The following DENND4C variants were observed in gnomAD, a reference collection of about 807,000 sequenced individuals.
DENND4C encodes DENN domain-containing protein 4C.
A neutral mutation model predicts 203.0 loss-of-function variants in DENND4C; 108 were observed. That is an observed-to-expected ratio of 0.53 (90% CI 0.46 to 0.62). The LOEUF (loss-of-function observed/expected upper bound fraction) is 0.62, where lower values mean the gene tolerates loss of function less well. DENND4C is among the 20% of genes least tolerant of loss of function. The pLI is 0.00. For missense variants in DENND4C, 2,481 were observed against 2,301.2 expected (o/e 1.08, Z -1.60); for synonymous variants, 871 against 792.4 (o/e 1.10, Z -1.67).
intron 10 of DENND4C, among the ~76,000 whole-genome samples, chr9:19,315,706 G>T (rs552913940): frequency 7.4e-4 from 106 of 144,114 alleles, no homozygotes; most frequent in African/African-American, 2.4e-3. Flanking sequence ...TGGCTTTGGG[G>T]TTTTTTTTTT....
At chr9:19,258,525 C>G (rs971613142) in intron 1 of DENND4C, among the ~76,000 whole-genome samples, 13 of 152,162 alleles carry the variant, frequency 8.5e-5, no homozygotes, top group African/African-American at 2.9e-4. Flanking sequence ...GCCAGAAATT[C>G]AGGATTGATC....
intron 2 of DENND4C, among the ~76,000 whole-genome samples, chr9:19,278,351 C>G (rs527337371): frequency 3.0e-4 from 46 of 152,212 alleles, no homozygotes; most frequent in African/African-American, 1.1e-3. Flanking sequence ...ATTGGCAAAG[C>G]TGGTCTTGAA....
intron 20 of DENND4C, chr9:19,337,513 T>G: frequency 1.4e-6 from 1 of 730,236 alleles, no homozygotes; most frequent in Non-Finnish European, 1.8e-6. Flanking sequence ...TGAAGTTTCC[T>G]TTTCTCTGCT....
chr9:19,350,759 G>C lies in DENND4C; in HGVS notation c.4375G>C (p.Glu1459Gln), dbSNP rs778412350. 5 of 1,613,898 alleles carry C rather than the reference G, an allele frequency of 3.1e-6. No homozygotes were observed. In the South Asian group the frequency reaches 5.5e-5, roughly 18 times the overall value. ...TGGCCTAGAAGACCATATTTTGGGG[G>C]AGAATATATCGCCTAACACAAGTAT... ...PAGLEDHILG[E>Q]NISPNTSISG... is the part of the protein sequence containing the mutation. The change falls in exon 24 of 33, where the codon GAG (glutamate) becomes CAG (glutamine). Residue 1459 changes from glutamate to glutamine, a missense_variant. Coordinates refer to ENST00000434457, the MANE Select transcript of DENND4C (RefSeq NM_001330640.2).
In DENND4C at chr9:19,278,720, C is replaced by G. The variant is rs117724448; in HGVS notation, c.305+2241C>G. Among the ~76,000 whole-genome samples, 1,182 of 152,226 alleles carry G rather than the reference C, an allele frequency of 7.8e-3. 9 individuals are homozygous for G. Among genetic ancestry groups the G allele is most frequent in the Non-Finnish European group, 0.013 (905 of 68,006 alleles). On this transcript the variant is annotated intron_variant, in intron 2 of 32. Coordinates refer to ENST00000434457, the MANE Select transcript of DENND4C (RefSeq NM_001330640.2). ...GTTTAACTCCTTTAGTATTGTCCAT[C>G]CTATTTAGCTACTGTAGTTTTCCTT...
In DENND4C at chr9:19,296,045, C is replaced by G; in HGVS notation, c.839C>G (p.Ser280Cys). 1 of 1,614,086 alleles carries G rather than the reference C, an allele frequency of 6.2e-7. No individual in the cohort carries two copies. The highest frequency in any genetic ancestry group is 1.1e-5 in the South Asian group (1 of 91,082). The change falls in exon 6 of 33, where the codon TCT (serine) becomes TGT (cysteine). Residue 280 changes from serine to cysteine, a missense_variant. Ser to Cys is a moderately radical substitution (Grantham distance 112, BLOSUM62 -1). Coordinates refer to ENST00000434457, the MANE Select transcript of DENND4C (RefSeq NM_001330640.2). ...GAAIQFYEPY[S>C]RELLSEKQLM... is the part of the protein sequence containing the mutation. The stretch of plus-strand genomic sequence containing the variant: ...GCCATTCAGTTTTATGAACCTTACT[C>G]TCGGGAACTTCTATCAGAGAAACAG...
intron 1 of DENND4C, among the ~76,000 whole-genome samples, chr9:19,268,676 T>C (rs1039489008): frequency 7.2e-5 from 11 of 152,296 alleles, no homozygotes; most frequent in African/African-American, 2.2e-4. Flanking sequence ...TTCTCCTTCA[T>C]GTTTGAAGGA....
chr9:19,259,428 A>G (rs2131737745), intron 1 of DENND4C, among the ~76,000 whole-genome samples: 2 of 152,056 alleles, frequency 1.3e-5, no homozygotes, highest in Middle Eastern at 3.4e-3. Context: ...TGTTGTTCTA[A>G]ATGACACAAT....
At position 19,319,426 on chromosome 9, in the gene DENND4C, A is replaced by G. The variant is rs931974850; in HGVS notation, c.1807+2587A>G. Among the ~76,000 whole-genome samples, 5 of 145,962 alleles carry G rather than the reference A, an allele frequency of 3.4e-5. 1 individual carries two copies. Among genetic ancestry groups the G allele is most frequent in the African/African-American group, 1.2e-4 (5 of 40,038 alleles). ...TATACACACATATATATATACATATATATATACACACATATATATATACAT... is the reference window on the plus strand; with the variant it reads ...TATACACACATATATATATACATATGTATATACACACATATATATATACAT... On this transcript the variant is annotated intron_variant, in intron 12 of 32. Coordinates refer to ENST00000434457, the MANE Select transcript of DENND4C (RefSeq NM_001330640.2).
At chr9:19,272,731 C>G (rs564595309) in intron 1 of DENND4C, among the ~76,000 whole-genome samples, 44 of 152,078 alleles carry the variant, frequency 2.9e-4, no homozygotes, top group Non-Finnish European at 5.9e-4. Flanking sequence ...GAAATGTTTT[C>G]TTTATGACAT....
At chr9:19,327,991 T>G in intron 15 of DENND4C, 39 bp from the exon 16 acceptor site, 2 of 1,548,980 alleles carry the variant, frequency 1.3e-6, no homozygotes. Flanking sequence ...AGAGTTGGTG[T>G]GTTTTAAATC....
At chr9:19,238,138 A>G (rs1429888195) in intron 1 of DENND4C, among the ~76,000 whole-genome samples, 1 of 150,222 alleles carries the variant, frequency 6.7e-6, no homozygotes, top group Non-Finnish European at 1.5e-5. Flanking sequence ...GCTGGAGTGC[A>G]ATGGCGTGAT....
intron 22 of DENND4C, among the ~76,000 whole-genome samples, chr9:19,343,197 T>C (rs374171193): frequency 6.6e-6 from 1 of 152,330 alleles, no homozygotes; most frequent in Admixed American, 6.5e-5. Context: ...TCATTTCCCC[T>C]CTACACAGAT....
At position 19,276,303 on chromosome 9, in the gene DENND4C, T is replaced by C. The variant is rs1400760879; in HGVS notation, c.129T>C (p.Ile43=). 2.4e-6 allele frequency: 3 copies of C among 1,231,952 alleles called. No homozygotes were observed. The highest frequency in any genetic ancestry group is 8.2e-5 in the South Asian group (2 of 24,318). The allele number at this position is 1,231,952 out of a possible 1,614,324, so 76.3% of individuals were successfully genotyped here. A position where few individuals can be genotyped will look rare whatever the true frequency, so the allele number is the denominator to read the frequency against. The change falls in exon 2 of 33, where the codon ATT becomes ATC. Residue 43 remains isoleucine (I), a synonymous_variant. Transcript: ENST00000434457. ...AGTCAACTGGACCTAAAGCTCCAATTACAGACATTGCCATTATTATCAAAT... is the reference window on the plus strand; with the variant it reads ...AGTCAACTGGACCTAAAGCTCCAATCACAGACATTGCCATTATTATCAAAT... ...DTKSTGPKAP[I]TDIAIIIKSA...
rs967997054 is a variant in DENND4C at position 19,276,470 on chromosome 9, C to G, written c.296C>G (p.Thr99Arg). 2 of 1,231,900 alleles carry G rather than the reference C, an allele frequency of 1.6e-6. No homozygotes were observed. Among genetic ancestry groups the G allele is most frequent in the African/African-American group, 3.1e-5 (2 of 64,400 alleles). The allele number at this position is 1,231,900 out of a possible 1,614,324, so 76.3% of individuals were successfully genotyped here. Residue 99 changes from threonine (T) to arginine (R), a missense_variant, in exon 2 of 33, where the codon ACA (threonine) becomes AGA (arginine). Around this residue, in one of 3 missense-constraint regions of DENND4C, gnomAD observed 187 missense variants for 167.4 expected, o/e 1.12. Transcript: ENST00000434457. ...YKRGRDKPPL[T>R]DIGVLYEGKE... ...AGAGGGAGAGATAAACCACCGCTTA[C>G]AGATATTGGGTATGGTGACTTCTTT...
intron 14 of DENND4C, 37 bp downstream of exon 14, chr9:19,326,011 G>C (rs1817754407): frequency 6.2e-7 from 1 of 1,608,852 alleles, no homozygotes; most frequent in Non-Finnish European, 8.5e-7. Flanking sequence ...TGAAATTTCA[G>C]AATTAGATCT....
intron 1 of DENND4C, among the ~76,000 whole-genome samples, chr9:19,241,602 T>G (rs1195508013): frequency 1.3e-5 from 2 of 151,942 alleles, no homozygotes; most frequent in African/African-American, 4.8e-5. Context: ...GTCAGGATTA[T>G]CAATATCAGT....
At chr9:19,334,283 T>C (rs531261180) in intron 17 of DENND4C, among the ~76,000 whole-genome samples, 60 of 152,204 alleles carry the variant, frequency 3.9e-4, no homozygotes, top group African/African-American at 1.3e-3. Flanking sequence ...ACTCCTGACC[T>C]CAGGTGATCT....
At chr9:19,322,166 A>G (rs926327325) in intron 12 of DENND4C, among the ~76,000 whole-genome samples, 1 of 152,184 alleles carries the variant, frequency 6.6e-6, no homozygotes, top group East Asian at 1.9e-4. Context: ...GGAAAATTAA[A>G]TTGATTCCAG....
Sources: allele counts gnomAD v4.1 joint callset (sites outside exome capture counted in the v4.1 genomes callset), GRCh38; gene constraint gnomAD v4.1.1; regional missense constraint gnomAD v4.1.1; transcripts MANE v1.5; gene names NCBI Gene and HGNC (gene_info 2026-07-23, HGNC 2026-07-21).